OTUD7A: variants seen among roughly 807,000 people sequenced by gnomAD.
OTUD7A encodes OTU deubiquitinase 7A.
Under a neutral mutation model 65.7 loss-of-function variants are expected in OTUD7A, and 12 were observed. That is an observed-to-expected ratio of 0.18 (90% CI 0.12 to 0.30). The LOEUF (loss-of-function observed/expected upper bound fraction) is 0.30, where lower values mean the gene tolerates loss of function less well. OTUD7A is among the 10% of genes least tolerant of loss of function. The probability of loss-of-function intolerance (pLI) is 1.00; values close to 1 mark genes in which losing one functional copy is unlikely to be tolerated. For missense variants in OTUD7A, 1,148 were observed against 1,304.8 expected (o/e 0.88, Z 1.85); for synonymous variants, 641 against 586.3 (o/e 1.09, Z -1.35).
intron 3 of OTUD7A, among the ~76,000 whole-genome samples, chr15:31,593,856 C>T (rs189902869): frequency 1.6e-3 from 248 of 152,272 alleles, no homozygotes; most frequent in Middle Eastern, 6.8e-3. Context: ...GATGTGTAAG[C>T]AACAGTGTTT....
chr15:31,617,795 A>G (rs2141231304), intron 3 of OTUD7A, among the ~76,000 whole-genome samples: 1 of 152,102 alleles, frequency 6.6e-6, no homozygotes, highest in South Asian at 2.1e-4. Context: ...TTTTTTTATT[A>G]TACTTTAAGT....
chr15:31,585,470 C>T (rs1292991370), intron 3 of OTUD7A, among the ~76,000 whole-genome samples: 3 of 152,240 alleles, frequency 2.0e-5, no homozygotes, highest in Non-Finnish European at 2.9e-5. Flanking sequence ...AGTCATGCTG[C>T]ACCCAGGAGA....
intron 8 of OTUD7A, among the ~76,000 whole-genome samples, chr15:31,507,309 G>C (rs2041591242): frequency 6.6e-6 from 1 of 152,092 alleles, no homozygotes; most frequent in African/African-American, 2.4e-5. Context: ...TGAGAAGGTT[G>C]GGTAGGTTTT....
chr15:31,559,958 C>T (rs1287872432), intron 4 of OTUD7A, among the ~76,000 whole-genome samples: 2 of 152,212 alleles, frequency 1.3e-5, no homozygotes, highest in African/African-American at 4.8e-5. Context: ...GTATGTGGCA[C>T]TTATTCACAA....
intron 5 of OTUD7A, among the ~76,000 whole-genome samples, chr15:31,533,539 G>C (rs1887704163): frequency 6.6e-6 from 1 of 152,138 alleles, no homozygotes; most frequent in African/African-American, 2.4e-5. Flanking sequence ...GCCCAGCCAA[G>C]ATAATATTTT....
chr15:31,770,091 A>G (rs1347517449), intron 1 of OTUD7A, among the ~76,000 whole-genome samples: 2 of 152,184 alleles, frequency 1.3e-5, no homozygotes, highest in African/African-American at 4.8e-5. Flanking sequence ...AATGAAAACA[A>G]CGAAGACCAG....
rs1231226268 is a variant in OTUD7A, at chr15:31,483,997, C to T, written c.2099G>A (p.Arg700Gln). The change falls in exon 13 of 13, where the codon CGG becomes CAG. Residue 700 changes from arginine (R) to glutamine (Q), a missense_variant. Physicochemically the swap from Arg to Gln is conservative, Grantham distance 43. Coordinates refer to ENST00000307050, the MANE Select transcript of OTUD7A (RefSeq NM_001382637.1). ...AAAAAAATAK[R>Q]PPRRPETEGV... ...CTCCGTCTCCGGTCTGCGCGGCGGCCGCTTGGCCGTGGCGGCGGCGGCGGC... is the reference window on the plus strand; with the variant it reads ...CTCCGTCTCCGGTCTGCGCGGCGGCTGCTTGGCCGTGGCGGCGGCGGCGGC... The T allele has an allele frequency of 7.1e-6, 8 of 1,129,632 alleles. No individual in the cohort carries two copies. The highest frequency in any genetic ancestry group is 8.6e-6 in the Non-Finnish European group (8 of 928,748). The allele number at this position is 1,129,632 out of a possible 1,614,324, so 70.0% of individuals were successfully genotyped here. A position where few individuals can be genotyped will look rare whatever the true frequency, so the allele number is the denominator to read the frequency against.
At chr15:31,774,663 T>C (rs1431458767) in intron 1 of OTUD7A, among the ~76,000 whole-genome samples, 1 of 152,200 alleles carries the variant, frequency 6.6e-6, no homozygotes, top group African/African-American at 2.4e-5. Context: ...GCAACATCAG[T>C]TTCTGTGCCA....
intron 3 of OTUD7A, among the ~76,000 whole-genome samples, chr15:31,625,361 T>C (rs959344352): frequency 2.7e-5 from 4 of 150,706 alleles, no homozygotes. Flanking sequence ...TATGCGGCAA[T>C]AGATGACTAG....
intron 3 of OTUD7A, among the ~76,000 whole-genome samples, chr15:31,635,428 T>C (rs370835652): frequency 1.3e-5 from 2 of 152,334 alleles, no homozygotes. Flanking sequence ...TAATATTTCC[T>C]GCCTGAAAAC....
chr15:31,532,129 C>CA (rs1263441245), intron 5 of OTUD7A, among the ~76,000 whole-genome samples: 2 of 151,722 alleles, frequency 1.3e-5, no homozygotes, highest in African/African-American at 2.4e-5. Context: ...TTTAAACAAA[C>CA]AAAAAAAATC....
chr15:31,704,721 C>A (rs1339213448), intron 1 of OTUD7A, among the ~76,000 whole-genome samples: 1 of 152,040 alleles, frequency 6.6e-6, no homozygotes, highest in Non-Finnish European at 1.5e-5. Flanking sequence ...AGACCCTATG[C>A]TGACTTCTAG....
At chr15:31,841,858 A>G (rs1454245836) in intron 1 of OTUD7A, among the ~76,000 whole-genome samples, 2 of 152,184 alleles carry the variant, frequency 1.3e-5, no homozygotes, top group African/African-American at 4.8e-5. Context: ...AGACCTGCAT[A>G]CCTGCCACCC....
rs543221607 is a variant in OTUD7A, at chr15:31,611,356, T to C, written c.152-41159A>G. On this transcript the variant is annotated intron_variant, in intron 3 of 12. Coordinates refer to ENST00000307050, the MANE Select transcript of OTUD7A (RefSeq NM_001382637.1). ...CAAACAAACAAACAAATACAAAAGATAAATGAAACAAAAAGCTGGTTCTTT... is the reference window on the plus strand; with the variant it reads ...CAAACAAACAAACAAATACAAAAGACAAATGAAACAAAAAGCTGGTTCTTT... 3.3e-5 allele frequency among the ~76,000 whole-genome samples: 5 copies of C among 152,108 alleles called. No homozygotes were observed. The East Asian group carries it at 9.7e-4, about 29-fold the overall frequency.
chr15:31,571,529 A>T (rs562405554), intron 3 of OTUD7A, among the ~76,000 whole-genome samples: 1 of 152,326 alleles, frequency 6.6e-6, no homozygotes, highest in Admixed American at 6.5e-5. Flanking sequence ...TGGTGAATAT[A>T]TCATTTCATC....
intron 1 of OTUD7A, among the ~76,000 whole-genome samples, chr15:31,762,335 T>G (rs1894988336): frequency 6.6e-6 from 1 of 152,204 alleles, no homozygotes; most frequent in Admixed American, 6.5e-5. Context: ...ATTGCTTTTT[T>G]TCTCTGTCCT....
At chr15:31,578,516 C>G (rs920425015) in intron 3 of OTUD7A, among the ~76,000 whole-genome samples, 2 of 151,934 alleles carry the variant, frequency 1.3e-5, no homozygotes, top group Admixed American at 6.6e-5. Flanking sequence ...TGGAAGCCCC[C>G]ACTTTGCACT....
At chr15:31,537,918 T>C (rs1258936726) in intron 5 of OTUD7A, among the ~76,000 whole-genome samples, 1 of 152,242 alleles carries the variant, frequency 6.6e-6, no homozygotes, top group African/African-American at 2.4e-5. Flanking sequence ...GCAGACCTCG[T>C]TGTCTTGCCC....
At chr15:31,734,258 C>A (rs1894124751) in intron 1 of OTUD7A, among the ~76,000 whole-genome samples, 1 of 152,082 alleles carries the variant, frequency 6.6e-6, no homozygotes, top group Non-Finnish European at 1.5e-5. Context: ...TCAGAAGTGA[C>A]ACAAACAAAT....
Sources: allele counts gnomAD v4.1 joint callset (sites outside exome capture counted in the v4.1 genomes callset), GRCh38; gene constraint gnomAD v4.1.1; transcripts MANE v1.5; gene names NCBI Gene and HGNC (gene_info 2026-07-23, HGNC 2026-07-21).